The following NCAM2 variants were observed in gnomAD, a reference collection of about 807,000 sequenced individuals.
NCAM2 encodes the protein N-CAM-2.
In NCAM2, 30 loss-of-function variants were observed where a neutral mutation model predicts 98.1. That is an observed-to-expected ratio of 0.31 (90% CI 0.23 to 0.41). NCAM2 has a LOEUF of 0.41. Ranked by LOEUF, NCAM2 falls within the 10% of genes least tolerant of loss-of-function variation. NCAM2 has a pLI of 1.00. For synonymous variants in NCAM2, 368 were observed against 342.4 expected (o/e 1.07, Z -0.83); for missense variants, 867 against 1,005.8 (o/e 0.86, Z 1.87).
At chr21:21,453,232 A>G (rs959374499) in intron 12 of NCAM2, among the ~76,000 whole-genome samples, 2 of 150,360 alleles carry the variant, frequency 1.3e-5, no homozygotes, top group African/African-American at 4.9e-5. Context: ...ATGCTGTGTA[A>G]GTGGGGGTGG....
chr21:21,254,434 T>C (rs2071587123), intron 1 of NCAM2, among the ~76,000 whole-genome samples: 1 of 152,216 alleles, frequency 6.6e-6, no homozygotes, highest in Non-Finnish European at 1.5e-5. Context: ...ATGTTCTTTA[T>C]AGCTTGAATT....
At chr21:21,043,748 G>A (rs1341680247) in intron 1 of NCAM2, among the ~76,000 whole-genome samples, 2 of 151,108 alleles carry the variant, frequency 1.3e-5, no homozygotes, top group African/African-American at 2.4e-5. Context: ...CCAGCTACTC[G>A]GTAGGCGTGA....
At chr21:21,121,299 T>A (rs1256582736) in intron 1 of NCAM2, among the ~76,000 whole-genome samples, 1 of 152,204 alleles carries the variant, frequency 6.6e-6, no homozygotes, top group Non-Finnish European at 1.5e-5. Flanking sequence ...TTTAAACTCT[T>A]CCTTAAGAAT....
At chr21:21,244,303 G>A (rs1046122923) in intron 1 of NCAM2, among the ~76,000 whole-genome samples, 4 of 152,074 alleles carry the variant, frequency 2.6e-5, no homozygotes, top group Non-Finnish European at 5.9e-5. Flanking sequence ...GTCAAAACCC[G>A]TAGTAACTGG....
intron 9 of NCAM2, among the ~76,000 whole-genome samples, chr21:21,387,070 C>A (rs1169772041): frequency 6.6e-6 from 1 of 152,008 alleles, no homozygotes; most frequent in Admixed American, 6.6e-5. Context: ...ACATTTATTT[C>A]TCTAAATCTA....
At chr21:21,221,270 A>G (rs1347187128) in intron 1 of NCAM2, among the ~76,000 whole-genome samples, 13 of 152,228 alleles carry the variant, frequency 8.5e-5, no homozygotes, top group East Asian at 3.9e-4. Context: ...TTGGTCAATT[A>G]CCACCCCTAC....
At chr21:21,386,063 C>T (rs947264513) in intron 9 of NCAM2, among the ~76,000 whole-genome samples, 3 of 152,006 alleles carry the variant, frequency 2.0e-5, no homozygotes, top group African/African-American at 7.2e-5. Flanking sequence ...ATTAAATAAT[C>T]CCATAACACA....
chr21:21,090,805 G>T (rs2065997420), intron 1 of NCAM2, among the ~76,000 whole-genome samples: 1 of 152,142 alleles, frequency 6.6e-6, no homozygotes, highest in Non-Finnish European at 1.5e-5. Flanking sequence ...CTCTGCCTCA[G>T]TATTCTCGCC....
At chr21:21,284,110 T>A in intron 2 of NCAM2, 84 bp from the exon 3 acceptor site, 2 of 1,041,384 alleles carry the variant, frequency 1.9e-6, no homozygotes, top group Non-Finnish European at 1.4e-6. Context: ...AAATGGTTAA[T>A]ATTATTACAT....
At chr21:21,477,533 C>T in intron 15 of NCAM2, 62 bp downstream of exon 15, 3 of 1,246,984 alleles carry the variant, frequency 2.4e-6, no homozygotes, top group Non-Finnish European at 3.2e-6. Flanking sequence ...TTTTTATAAC[C>T]CTTACTGACT....
chr21:21,023,834 A>G lies in NCAM2; in HGVS notation c.55+25216A>G, dbSNP rs141904133. Among the ~76,000 whole-genome samples the G allele has an allele frequency of 4.6e-3, 705 of 152,250 alleles. 9 individuals carry two copies. Among genetic ancestry groups the G allele is most frequent in the East Asian group, 0.039 (204 of 5,174 alleles). Reference sequence around the variant, plus strand: ...GTATATATATTTAGATATGTCATTCATATCTAATTTTTTACATTAAAGCAA... The same window carrying G: ...GTATATATATTTAGATATGTCATTCGTATCTAATTTTTTACATTAAAGCAA... On this transcript the variant is annotated intron_variant, in intron 1 of 17. Transcript: ENST00000400546.
At chr21:21,356,968 AAC>A (rs1199463126) in intron 8 of NCAM2, among the ~76,000 whole-genome samples, 3 of 147,220 alleles carry the variant, frequency 2.0e-5, no homozygotes, top group African/African-American at 7.8e-5. Flanking sequence ...CAGCCTGGGA[AAC>A]AAGAGCGAAA....
At chr21:21,410,230 C>T in intron 9 of NCAM2, 44 bp from the exon 10 acceptor site, 1 of 1,080,904 alleles carries the variant, frequency 9.3e-7, no homozygotes, top group African/African-American at 1.7e-5. Flanking sequence ...GATTATTTAA[C>T]TTAAAGAAAA....
intron 1 of NCAM2, among the ~76,000 whole-genome samples, chr21:21,086,830 G>GGT (rs143868781): frequency 1.2e-3 from 184 of 150,546 alleles, no homozygotes; most frequent in Middle Eastern, 3.5e-3. Flanking sequence ...TAAATGCAAG[G>GGT]GTGTGTGTGT....
intron 12 of NCAM2, among the ~76,000 whole-genome samples, chr21:21,452,270 T>TGTGTATATGTA (rs1452943714): frequency 3.3e-5 from 5 of 150,532 alleles, no homozygotes; most frequent in Admixed American, 1.3e-4. Context: ...TACATACATA[T>TGTGTATATGTA]TCTAACACAA....
intron 1 of NCAM2, among the ~76,000 whole-genome samples, chr21:21,199,702 C>T (rs1319069294): frequency 6.6e-6 from 1 of 152,132 alleles, no homozygotes; most frequent in Non-Finnish European, 1.5e-5. Context: ...ATACACATTA[C>T]CACTGCATAG....
chr21:21,202,040 G>C (rs1015204647), intron 1 of NCAM2, among the ~76,000 whole-genome samples: 2 of 152,142 alleles, frequency 1.3e-5, no homozygotes, highest in African/African-American at 4.8e-5. Context: ...CATGGAATCT[G>C]GAGTTGAGAA....
chr21:21,363,570 A>T (rs2075704617), intron 8 of NCAM2, among the ~76,000 whole-genome samples: 1 of 152,100 alleles, frequency 6.6e-6, no homozygotes, highest in African/African-American at 2.4e-5. Flanking sequence ...CTCCCCTGTC[A>T]CCAGACTTAC....
At chr21:21,039,306 A>C (rs1277162952) in intron 1 of NCAM2, among the ~76,000 whole-genome samples, 2 of 152,138 alleles carry the variant, frequency 1.3e-5, no homozygotes, top group Admixed American at 6.6e-5. Flanking sequence ...TTTTTACAAG[A>C]TTTGCAGTTC....
Sources: allele counts gnomAD v4.1 joint callset (sites outside exome capture counted in the v4.1 genomes callset), GRCh38; gene constraint gnomAD v4.1.1; transcripts MANE v1.5; gene names NCBI Gene and HGNC (gene_info 2026-07-23, HGNC 2026-07-21).